The following ARIH2 variants were observed in gnomAD, a reference collection of about 807,000 sequenced individuals.
ARIH2 encodes E3 ubiquitin-protein ligase ARIH2.
In ARIH2, 12 loss-of-function variants were observed where a neutral mutation model predicts 79.8. The ratio of observed to expected loss-of-function variants is 0.15; its 90% CI spans 0.10 to 0.24. The LOEUF (loss-of-function observed/expected upper bound fraction) is 0.24, where lower values mean the gene tolerates loss of function less well. Among genes scored for constraint, ARIH2 ranks in the 10% least tolerant of loss-of-function variants. The probability of loss-of-function intolerance (pLI) is 1.00; values close to 1 mark genes in which losing one functional copy is unlikely to be tolerated. For missense variants in ARIH2, 301 were observed against 618.3 expected, an observed-to-expected ratio of 0.49 and a Z score of 5.44; for synonymous variants, 224 against 213.9, an observed-to-expected ratio of 1.05 and a Z score of -0.41.
chr3:48,945,173 A>G, intron 3 of ARIH2: 4 of 1,289,696 alleles, frequency 3.1e-6, no homozygotes, highest in Non-Finnish European at 4.0e-6. Flanking sequence ...CATCCTCCCT[A>G]TGGCACTGGT....
chr3:48,981,753 C>G, intron 14 of ARIH2, 25 bp downstream of exon 14: 1 of 1,593,830 alleles, frequency 6.3e-7, no homozygotes, highest in Non-Finnish European at 8.6e-7. Flanking sequence ...TTTTTCTACT[C>G]TGTCCCGTTA....
At chr3:48,941,325 A>C (rs957602884) in intron 3 of ARIH2, among the ~76,000 whole-genome samples, 1 of 152,218 alleles carries the variant, frequency 6.6e-6, no homozygotes, top group Non-Finnish European at 1.5e-5. Context: ...GGAGGAACTA[A>C]AAATAGTGCT....
chr3:48,934,188 G>A, intron 3 of ARIH2: 1 of 224,922 alleles, frequency 4.4e-6, no homozygotes, highest in Non-Finnish European at 7.4e-6. Flanking sequence ...AAACAACCTG[G>A]CTTTTTTGCC....
chr3:48,957,111 T>C (rs1167089961), intron 3 of ARIH2, among the ~76,000 whole-genome samples: 1 of 152,246 alleles, frequency 6.6e-6, no homozygotes, highest in Non-Finnish European at 1.5e-5. Context: ...CATATCTCCC[T>C]TCACATTGTT....
At chr3:48,975,167 A>T (rs1411135700) in intron 11 of ARIH2, 188 bp downstream of exon 11, 1 of 864,782 alleles carries the variant, frequency 1.2e-6, no homozygotes. Flanking sequence ...CCCTCTTATA[A>T]TCCCACTGCT....
chr3:48,948,364 G>T (rs898441086), intron 3 of ARIH2, among the ~76,000 whole-genome samples: 2 of 152,018 alleles, frequency 1.3e-5, no homozygotes, highest in African/African-American at 2.4e-5. Context: ...TGCGTCCCAG[G>T]TTCAAGCGAT....
At chr3:48,924,606 C>T (rs1303339765) in intron 2 of ARIH2, 1 of 152,132 alleles carries the variant, frequency 6.6e-6, no homozygotes, top group African/African-American at 2.4e-5. Context: ...GCAACCTCCT[C>T]CCTGGTTCAA....
intron 3 of ARIH2, among the ~76,000 whole-genome samples, chr3:48,948,525 T>G (rs1215582044): frequency 6.6e-6 from 1 of 151,804 alleles, no homozygotes; most frequent in Non-Finnish European, 1.5e-5. Context: ...CAACCTCAGG[T>G]GATCCGCCCA....
intron 11 of ARIH2, 125 bp downstream of exon 11, chr3:48,975,104 G>A (rs1258152503): frequency 2.0e-6 from 3 of 1,519,802 alleles, no homozygotes; most frequent in Non-Finnish European, 2.7e-6. Flanking sequence ...TCACTTAACA[G>A]TCACAGTAAC....
chr3:48,940,212 G>GA (rs1431570841), intron 3 of ARIH2, among the ~76,000 whole-genome samples: 4 of 151,260 alleles, frequency 2.6e-5, no homozygotes, highest in African/African-American at 9.7e-5. Flanking sequence ...TCTCAAAAAA[G>GA]AAAAAAAATT....
chr3:48,951,116 C>T (rs1187846538), intron 3 of ARIH2, among the ~76,000 whole-genome samples: 1 of 151,990 alleles, frequency 6.6e-6, no homozygotes. Context: ...GTTCATGTCA[C>T]CATGCCCAGC....
Position 48,967,281 on chromosome 3 carries a change from T to A in ARIH2, c.538+6T>A. 1 of 1,613,246 alleles carries A rather than the reference T, an allele frequency of 6.2e-7. No individual in the cohort carries two copies. Among genetic ancestry groups the A allele is most frequent in the Non-Finnish European group, 8.5e-7 (1 of 1,179,498 alleles). Reference sequence around the variant, plus strand: ...CAAGGACGGCGTGGGCGTGGGTGAGTCTGCCACAAAACTTATAAAAAGCTG... The same window carrying A: ...CAAGGACGGCGTGGGCGTGGGTGAGACTGCCACAAAACTTATAAAAAGCTG... On this transcript the variant is annotated splice_donor_region_variant and intron_variant, in intron 6 of 15. Transcript: ENST00000356401.
At chr3:48,973,332 C>CT (rs1178727060) in intron 8 of ARIH2, among the ~76,000 whole-genome samples, 2 of 152,098 alleles carry the variant, frequency 1.3e-5, no homozygotes, top group Non-Finnish European at 1.5e-5. Context: ...AATCCCAGCA[C>CT]TTTGGGAGGC....
chr3:48,975,053 G>T lies in ARIH2; in HGVS notation c.961+74G>T. On this transcript the variant is annotated intron_variant, in intron 11 of 15. Transcript: ENST00000356401. ...TGGGTCTCCGTTACTATTTAAGTGAGTACTTCTGCCATGAAATGACAAAAC... is the reference window on the plus strand; with the variant it reads ...TGGGTCTCCGTTACTATTTAAGTGATTACTTCTGCCATGAAATGACAAAAC... The T allele has an allele frequency of 2.5e-6, 4 of 1,612,976 alleles. No individual in the cohort carries two copies. In the South Asian group the frequency reaches 4.4e-5, roughly 18 times the overall value.
At chr3:48,941,430 T>C (rs1442654393) in intron 3 of ARIH2, among the ~76,000 whole-genome samples, 4 of 152,140 alleles carry the variant, frequency 2.6e-5, no homozygotes, top group African/African-American at 9.7e-5. Context: ...CTCAGTGATG[T>C]TGGTGACAAC....
chr3:48,927,413 A>G (rs2085772139), intron 2 of ARIH2, 49 bp from the exon 3 acceptor site: 1 of 1,006,638 alleles, frequency 9.9e-7, no homozygotes, highest in African/African-American at 1.6e-5. Context: ...TTTCTGTTAC[A>G]ACTTGTCATG....
At chr3:48,962,102 C>T (rs892055260) in intron 4 of ARIH2, among the ~76,000 whole-genome samples, 13 of 152,080 alleles carry the variant, frequency 8.5e-5, no homozygotes, top group Non-Finnish European at 1.5e-4. Flanking sequence ...GCTGGCTGTA[C>T]GTGGTGGCTC....
At chr3:48,935,234 T>C (rs2086948930) in intron 3 of ARIH2, among the ~76,000 whole-genome samples, 1 of 152,218 alleles carries the variant, frequency 6.6e-6, no homozygotes, top group African/African-American at 2.4e-5. Context: ...GAAAAATAAC[T>C]GTAAACAAAA....
chr3:48,973,863 G>A (rs747417670), intron 9 of ARIH2, 47 bp downstream of exon 9: 2 of 1,401,228 alleles, frequency 1.4e-6, no homozygotes, highest in Admixed American at 1.7e-5. Flanking sequence ...CCTTAGTGCT[G>A]CCCAGGGCCT....
Sources: allele counts gnomAD v4.1 joint callset (sites outside exome capture counted in the v4.1 genomes callset), GRCh38; gene constraint gnomAD v4.1.1; transcripts MANE v1.5; gene names NCBI Gene and HGNC (gene_info 2026-07-23, HGNC 2026-07-21).